Variants in MAML2 observed in about 807,000 individuals in gnomAD.
MAML2 encodes the protein mastermind like transcriptional coactivator 2.
MAML2 carries 22 observed loss-of-function variants against 96.1 expected under a neutral mutation model. The ratio of observed to expected loss-of-function variants is 0.23; its 90% confidence interval spans 0.16 to 0.33. The LOEUF is 0.33. Among genes scored for constraint, MAML2 ranks in the 10% least tolerant of loss-of-function variants. The pLI, the probability that MAML2 is intolerant of heterozygous loss-of-function variation, is 1.00. For missense variants in MAML2, 1,367 were observed against 1,392.4 expected (o/e 0.98, Z 0.29); for synonymous variants, 561 against 521.3 (o/e 1.08, Z -1.04).
At chr11:96,129,509 C>T (rs1360769804) in intron 1 of MAML2, among the ~76,000 whole-genome samples, 1 of 151,724 alleles carries the variant, frequency 6.6e-6, no homozygotes, top group Non-Finnish European at 1.5e-5. Context: ...TCTGGGAGCA[C>T]TTTTGAAAAT....
At chr11:96,186,148 A>G (rs1861572114) in intron 1 of MAML2, among the ~76,000 whole-genome samples, 1 of 152,256 alleles carries the variant, frequency 6.6e-6, no homozygotes, top group African/African-American at 2.4e-5. Context: ...TGCACACTAG[A>G]GGAAATTATA....
chr11:96,059,921 A>G (rs1433772949), intron 2 of MAML2, among the ~76,000 whole-genome samples: 2 of 152,196 alleles, frequency 1.3e-5, no homozygotes, highest in South Asian at 2.1e-4. Context: ...GATTGTAAGT[A>G]AACCACTAGA....
chr11:96,044,634 G>A (rs1858867688), intron 2 of MAML2, among the ~76,000 whole-genome samples: 1 of 151,106 alleles, frequency 6.6e-6, no homozygotes, highest in African/African-American at 2.4e-5. Flanking sequence ...AGAAAGGATT[G>A]TGACTGCAAG....
chr11:96,157,456 G>A (rs117446415), intron 1 of MAML2, among the ~76,000 whole-genome samples: 8 of 152,240 alleles, frequency 5.3e-5, no homozygotes, highest in Non-Finnish European at 1.5e-5. Flanking sequence ...ATTATGGAAC[G>A]TCATGGGACT....
chr11:96,112,749 AT>A (rs1301188939), intron 1 of MAML2, among the ~76,000 whole-genome samples: 2 of 152,196 alleles, frequency 1.3e-5, no homozygotes, highest in African/African-American at 4.8e-5. Context: ...CCATAAGCCT[AT>A]TAATTTGAAA....
rs112624920 is a variant in MAML2 at position 96,280,246 on chromosome 11, TTAAC to T, written c.513+61133_513+61136del. ...ACAAAAAATTAATATGCATGGCAGTTTAACTAGCTGTGTATCTCTCATGGAAAGG... is the reference window on the plus strand; with the variant it reads ...ACAAAAAATTAATATGCATGGCAGTTTAGCTGTGTATCTCTCATGGAAAGG... On this transcript the variant is annotated intron_variant, in intron 1 of 4. Coordinates refer to ENST00000524717, the MANE Select transcript of MAML2 (RefSeq NM_032427.4). Among the ~76,000 whole-genome samples, 113 of 152,348 alleles carry T rather than the reference TTAAC, an allele frequency of 7.4e-4. 1 individual carries two copies. The highest frequency in any genetic ancestry group is 2.7e-3 in the African/African-American group (111 of 41,582).
rs750202880 is a variant in MAML2, at chr11:95,985,558, T to G, written c.2428A>C (p.Asn810His). The G allele has an allele frequency of 6.2e-7, 1 of 1,611,212 alleles. No homozygotes were observed. The highest frequency in any genetic ancestry group is 1.3e-5 in the African/African-American group (1 of 74,874). ...DYKDQRRNVG[N>H]MQPTAQYSGG... Reference sequence around the variant, plus strand: ...GAATACTGAGCAGTTGGTTGCATATTGCCCACATTTCTTCTTTGGTCTTTA... The same window carrying G: ...GAATACTGAGCAGTTGGTTGCATATGGCCCACATTTCTTCTTTGGTCTTTA... The change falls in exon 4 of 5, where the codon AAT (asparagine) becomes CAT (histidine). Residue 810 changes from asparagine to histidine, a missense_variant. Physicochemically the swap from Asn to His is moderately conservative, Grantham distance 68. Transcript: ENST00000524717.
chr11:96,034,456 A>AGAGAGTGTGT (rs766634690), intron 2 of MAML2, among the ~76,000 whole-genome samples: 2,050 of 144,760 alleles, frequency 0.014, 58 homozygotes, highest in African/African-American at 0.05. Context: ...AGAGAGAGAG[A>AGAGAGTGTGT]GTGTGTGTGT....
chr11:96,005,513 G>C (rs1420690470), intron 2 of MAML2, among the ~76,000 whole-genome samples: 1 of 151,938 alleles, frequency 6.6e-6, no homozygotes, highest in East Asian at 1.9e-4. Context: ...TTTTCTCATT[G>C]AGTCAAAAAT....
intron 1 of MAML2, among the ~76,000 whole-genome samples, chr11:96,235,093 T>A (rs1862349775): frequency 6.6e-6 from 1 of 152,106 alleles, no homozygotes; most frequent in Admixed American, 6.5e-5. Flanking sequence ...TTTAGCTAAT[T>A]AATAGCACCC....
At position 96,253,122 on chromosome 11, in the gene MAML2, A is replaced by G. The variant is rs1261605880; in HGVS notation, c.513+88261T>C. ...ATAGTAGAGCCTATAGTAGAGCTCAACAGAGGAAAGAGATTCACACAGATT... is the reference window on the plus strand; with the variant it reads ...ATAGTAGAGCCTATAGTAGAGCTCAGCAGAGGAAAGAGATTCACACAGATT... On this transcript the variant is annotated intron_variant, in intron 1 of 4. Transcript: ENST00000524717. 3.9e-5 allele frequency among the ~76,000 whole-genome samples: 6 copies of G among 152,236 alleles called. No individual in the cohort carries two copies. In the East Asian group the frequency reaches 9.6e-4, roughly 24 times the overall value.
At chr11:96,326,138 G>C (rs1271504) in intron 1 of MAML2, among the ~76,000 whole-genome samples, 85,095 of 138,900 alleles carry the variant, frequency 0.61, 26,491 homozygotes, top group African/African-American at 0.81. Flanking sequence ...CAAGAACTCT[G>C]TCCTTGTGTG....
chr11:96,138,112 A>T (rs892395047), intron 1 of MAML2, among the ~76,000 whole-genome samples: 1 of 152,232 alleles, frequency 6.6e-6, no homozygotes, highest in African/African-American at 2.4e-5. Context: ...AGAACACAGG[A>T]TTCCGGTTTT....
intron 1 of MAML2, among the ~76,000 whole-genome samples, chr11:96,115,916 T>C (rs1363893729): frequency 2.0e-5 from 3 of 152,186 alleles, no homozygotes; most frequent in African/African-American, 4.8e-5. Flanking sequence ...AATGTTTTCA[T>C]AGGTCCCCAA....
intron 2 of MAML2, among the ~76,000 whole-genome samples, chr11:96,042,297 T>C (rs375840166): frequency 5.5e-4 from 84 of 152,162 alleles, no homozygotes; most frequent in African/African-American, 2.0e-3. Context: ...TATTTTTGTA[T>C]TTTTAGTAGA....
rs189202843 is a variant in MAML2 at position 96,187,663 on chromosome 11, A to G, written c.514-94146T>C. Among the ~76,000 whole-genome samples the G allele has an allele frequency of 2.6e-5, 4 of 152,138 alleles. No homozygotes were observed. The South Asian group carries it at 8.3e-4, about 31-fold the overall frequency. On this transcript the variant is annotated intron_variant, in intron 1 of 4. Coordinates refer to ENST00000524717, the MANE Select transcript of MAML2 (RefSeq NM_032427.4). ...ACAAAAATTAGCTGGGCATGGTGGC[A>G]TGTGACTGGAACCCCAGCTACTCGG... is the stretch of plus-strand genomic sequence containing the variant.
Position 96,341,693 on chromosome 11 carries a change from C to G in MAML2, c.203G>C (p.Arg68Pro), listed in dbSNP as rs771462313. 1.4e-5 allele frequency: 23 copies of G among 1,605,244 alleles called. No individual in the cohort carries two copies. The highest frequency in any genetic ancestry group is 2.0e-5 in the Non-Finnish European group (23 of 1,175,866). Residue 68 changes from arginine (R) to proline (P), a missense_variant, in exon 1 of 5, where the codon CGG becomes CCG. Physicochemically the swap from Arg to Pro is moderately radical, Grantham distance 103. Coordinates refer to ENST00000524717, the MANE Select transcript of MAML2 (RefSeq NM_032427.4). ...GAGCTGCAAGGTGCTTTCTCTTTCCCGGTCTGAGCTCTCGGCCCTACCTCG... is the reference window on the plus strand; with the variant it reads ...GAGCTGCAAGGTGCTTTCTCTTTCCGGGTCTGAGCTCTCGGCCCTACCTCG... The part of the protein sequence containing the change: ...YERGRAESSD[R>P]ERESTLQLLS...
intron 1 of MAML2, among the ~76,000 whole-genome samples, chr11:96,108,343 A>C (rs1429816699): frequency 6.6e-6 from 1 of 152,176 alleles, no homozygotes; most frequent in Non-Finnish European, 1.5e-5. Flanking sequence ...GTCAGCTATT[A>C]TTTTTATGTA....
At chr11:96,106,819 CT>C (rs938838739) in intron 1 of MAML2, among the ~76,000 whole-genome samples, 3 of 152,114 alleles carry the variant, frequency 2.0e-5, no homozygotes, top group African/African-American at 7.2e-5. Flanking sequence ...TAACTCCCCC[CT>C]ACCCAAAACA....
Sources: allele counts gnomAD v4.1 joint callset (sites outside exome capture counted in the v4.1 genomes callset), GRCh38; gene constraint gnomAD v4.1.1; transcripts MANE v1.5; gene names NCBI Gene and HGNC (gene_info 2026-07-23, HGNC 2026-07-21).